HTR7: variants seen among roughly 807,000 people sequenced by gnomAD.
HTR7 encodes 5-hydroxytryptamine receptor 7, also known as 5-HT-7.
HTR7 carries 16 observed loss-of-function variants against 34.0 expected under a neutral mutation model. The observed-to-expected ratio is 0.47, with a 90% CI of 0.32 to 0.71. The LOEUF (loss-of-function observed/expected upper bound fraction) is 0.71. Ranked by LOEUF, HTR7 falls within the 30% of genes least tolerant of loss-of-function variation. The pLI is 0.04. For synonymous variants in HTR7, 265 were observed against 260.2 expected, an observed-to-expected ratio of 1.02 and a Z score of -0.18; for missense variants, 504 against 625.5, an observed-to-expected ratio of 0.81 and a Z score of 2.07.
At chr10:90,811,506 C>G (rs1256551843) in intron 1 of HTR7, among the ~76,000 whole-genome samples, 6 of 152,098 alleles carry the variant, frequency 3.9e-5, no homozygotes, top group Non-Finnish European at 8.8e-5. Context: ...GCAGTTCCAC[C>G]AGGCGTAATC....
Position 90,749,724 on chromosome 10 carries a change from T to A in HTR7, c.540-130A>T. 1 of 798,486 alleles carries A rather than the reference T, an allele frequency of 1.3e-6. No homozygotes were observed. The highest frequency in any genetic ancestry group is 2.0e-6 in the Non-Finnish European group (1 of 504,608). 49.5% of individuals were successfully genotyped at this position (798,486 alleles called of 1,614,324 possible). On this transcript the variant is annotated intron_variant, in intron 1 of 3. Transcript: ENST00000336152. The surrounding 1 kb of genome is among the most constrained non-coding windows in gnomAD (Gnocchi z 4.2). ...TCTAGGTAGGCATCATTACTCCCAT[T>A]TTGCAGAAAGGTAAACTAAGGCTCT...
At chr10:90,795,320 A>G (rs1845521507) in intron 1 of HTR7, among the ~76,000 whole-genome samples, 1 of 152,216 alleles carries the variant, frequency 6.6e-6, no homozygotes, top group South Asian at 2.1e-4. Context: ...ACAAGATAGG[A>G]AACTATAACT....
chr10:90,804,043 A>G (rs952313971), intron 1 of HTR7, among the ~76,000 whole-genome samples: 1 of 152,212 alleles, frequency 6.6e-6, no homozygotes, highest in African/African-American at 2.4e-5. Flanking sequence ...GAGAAGGAGA[A>G]AAGAGAACAA....
intron 1 of HTR7, among the ~76,000 whole-genome samples, chr10:90,814,551 G>A (rs1481590970): frequency 1.3e-5 from 2 of 152,180 alleles, no homozygotes; most frequent in Non-Finnish European, 1.5e-5. Flanking sequence ...TTCCAGGAAG[G>A]TGGAAATTTT....
chr10:90,799,474 G>C (rs888553945), intron 1 of HTR7, among the ~76,000 whole-genome samples: 2 of 152,158 alleles, frequency 1.3e-5, no homozygotes, highest in Non-Finnish European at 2.9e-5. Flanking sequence ...GTATCTGTCT[G>C]CATTAGATCA....
intron 1 of HTR7, among the ~76,000 whole-genome samples, chr10:90,772,443 A>G (rs1564676664): frequency 1.3e-5 from 2 of 152,258 alleles, no homozygotes; most frequent in East Asian, 1.9e-4. Flanking sequence ...TACCTCTCCC[A>G]TTTAACATAT....
At position 90,832,298 on chromosome 10, in the gene HTR7, G is replaced by C. The variant is rs991589138; in HGVS notation, c.539+24835C>G. 3.9e-5 allele frequency among the ~76,000 whole-genome samples: 6 copies of C among 152,370 alleles called. No individual in the cohort carries two copies. The East Asian group carries it at 1.2e-3, about 29-fold the overall frequency. Reference sequence around the variant, plus strand: ...GTGTAGGGGAGACCCAGGCATGGTGGGATGCAGGTCCCAAGCCCTGCCCCG... The same window carrying C: ...GTGTAGGGGAGACCCAGGCATGGTGCGATGCAGGTCCCAAGCCCTGCCCCG... On this transcript the variant is annotated intron_variant, in intron 1 of 3. Transcript: ENST00000336152.
At chr10:90,808,499 G>A (rs1275214387) in intron 1 of HTR7, among the ~76,000 whole-genome samples, 5 of 151,890 alleles carry the variant, frequency 3.3e-5, no homozygotes, top group South Asian at 2.1e-4. Context: ...TCCATGCCCC[G>A]ACCTCTTATA....
At chr10:90,818,159 C>T (rs1845925007) in intron 1 of HTR7, among the ~76,000 whole-genome samples, 1 of 152,100 alleles carries the variant, frequency 6.6e-6, no homozygotes, top group African/African-American at 2.4e-5. Context: ...GGAGGTGGGG[C>T]CAAATGGGAG....
intron 1 of HTR7, among the ~76,000 whole-genome samples, chr10:90,755,019 C>T (rs1007157984): frequency 2.6e-5 from 4 of 152,112 alleles, no homozygotes; most frequent in African/African-American, 7.2e-5. Flanking sequence ...TGCAGATTCC[C>T]AAGCCACTAT....
chr10:90,795,712 T>A (rs925685124), intron 1 of HTR7, among the ~76,000 whole-genome samples: 1 of 152,184 alleles, frequency 6.6e-6, no homozygotes, highest in Non-Finnish European at 1.5e-5. Flanking sequence ...CCTAATGACA[T>A]GTGCCCAGGG....
chr10:90,776,366 T>G lies in HTR7; in HGVS notation c.540-26772A>C, dbSNP rs192884943. On this transcript the variant is annotated intron_variant, in intron 1 of 3. Coordinates refer to ENST00000336152, the MANE Select transcript of HTR7 (RefSeq NM_019859.4). ...GTCTCTAACTTTTCATTTTCAAATG[T>G]TTTAATTCAGATACACCCTCATATG... Among the ~76,000 whole-genome samples the G allele has an allele frequency of 1.1e-3, 168 of 152,368 alleles. 1 individual carries two copies. The highest frequency in any genetic ancestry group is 3.6e-3 in the African/African-American group (148 of 41,586).
At chr10:90,843,280 C>T (rs1485496275) in intron 1 of HTR7, among the ~76,000 whole-genome samples, 5 of 152,262 alleles carry the variant, frequency 3.3e-5, no homozygotes, top group African/African-American at 9.6e-5. Flanking sequence ...GCTGGCAATA[C>T]AGTCTTCAAG....
chr10:90,817,335 T>C (rs977732172), intron 1 of HTR7, among the ~76,000 whole-genome samples: 15 of 152,076 alleles, frequency 9.9e-5, no homozygotes, highest in Non-Finnish European at 2.2e-4. Flanking sequence ...AAAAAGAAAC[T>C]AGTCCTTTCA....
chr10:90,781,787 A>G (rs937183733), intron 1 of HTR7, among the ~76,000 whole-genome samples: 1 of 152,266 alleles, frequency 6.6e-6, no homozygotes, highest in East Asian at 1.9e-4. Context: ...TTTAGCTGGA[A>G]AAAGCCCTCT....
At chr10:90,813,905 A>G (rs1248339597) in intron 1 of HTR7, among the ~76,000 whole-genome samples, 1 of 152,164 alleles carries the variant, frequency 6.6e-6, no homozygotes, top group Non-Finnish European at 1.5e-5. Flanking sequence ...CAACCAATCT[A>G]TGGGCCCTAT....
At chr10:90,785,174 G>A (rs991958095) in intron 1 of HTR7, among the ~76,000 whole-genome samples, 2 of 152,120 alleles carry the variant, frequency 1.3e-5, no homozygotes, top group African/African-American at 4.8e-5. Flanking sequence ...CATTGTTCAG[G>A]TCAGCAATAA....
chr10:90,792,908 G>T (rs901724434), intron 1 of HTR7, among the ~76,000 whole-genome samples: 3 of 151,602 alleles, frequency 2.0e-5, no homozygotes, highest in Non-Finnish European at 2.9e-5. Flanking sequence ...CAAAAAAAAT[G>T]AACTGAAGAC....
intron 1 of HTR7, among the ~76,000 whole-genome samples, chr10:90,821,940 C>CAGCCA (rs1177670764): frequency 6.6e-6 from 1 of 152,184 alleles, no homozygotes; most frequent in Non-Finnish European, 1.5e-5. Context: ...GAGGCCTCCC[C>CAGCCA]AGCCATGCCT....
Sources: gnomAD v4.1 joint callset for allele counts (sites outside exome capture counted in the v4.1 genomes callset) on GRCh38, gnomAD v4.1.1 for gene constraint, Gnocchi (gnomAD v3.1) non-coding constraint, MANE v1.5 for transcripts, NCBI Gene and HGNC (gene_info 2026-07-23, HGNC 2026-07-21) for gene names.